ZNF605: variants seen among roughly 807,000 people sequenced by gnomAD.
The protein encoded by ZNF605 is zinc finger protein 605.
ZNF605 carries 9 observed loss-of-function variants against 7.9 expected under a neutral mutation model. The ratio of observed to expected loss-of-function variants is 1.14; its 90% confidence interval spans 0.68 to 1.98. The LOEUF (loss-of-function observed/expected upper bound fraction) is 1.98, where lower values mean the gene tolerates loss of function less well. Ranked by LOEUF, ZNF605 falls within the 30% of genes most tolerant of loss-of-function variation. ZNF605 has a pLI of 0.00. For synonymous variants in ZNF605, 255 were observed against 260.1 expected (o/e 0.98, Z 0.19); for missense variants, 673 against 762.4 (o/e 0.88, Z 1.38).
At chr12:132,932,749 T>C (rs1952320463) in intron 4 of ZNF605, 8 of 1,536,526 alleles carry the variant, frequency 5.2e-6, no homozygotes, top group African/African-American at 2.7e-5. Flanking sequence ...TGACCTATTA[T>C]CCATGGATCT....
Position 132,929,341 on chromosome 12 carries a change from G to A in ZNF605, c.137-2179C>T, listed in dbSNP as rs757171307. Among the ~76,000 whole-genome samples the A allele has an allele frequency of 5.5e-3, 842 of 152,168 alleles. 2 individuals are homozygous for A. The highest frequency in any genetic ancestry group is 0.017 in the Middle Eastern group (5 of 294). On this transcript the variant is annotated intron_variant, in intron 4 of 4. Transcript: ENST00000360187. ...AGGAGGTTGTGTGAGATGAGAGTGA[G>A]CCCACTACACGTCAGCCTGCGTGAC...
In ZNF605 at chr12:132,922,028, T is replaced by C. The variant is rs892221940; in HGVS notation, c.*3345A>G. On this transcript the variant is annotated 3_prime_UTR_variant, in exon 5 of 5. Coordinates refer to ENST00000360187, the MANE Select transcript of ZNF605 (RefSeq NM_183238.4). ...GAACTGATGGGAAAGGTGGTGTGGA[T>C]TCGTGGACGAAGTCTCTAACGTAAT... 9.2e-5 allele frequency: 14 copies of C among 152,240 alleles called. No homozygotes were observed. The highest frequency in any genetic ancestry group is 2.7e-4 in the African/African-American group (11 of 41,452). The allele number at this position is 152,240 out of a possible 1,614,324, so 9.4% of individuals were successfully genotyped here.
chr12:132,938,294 T>A (rs1952389619), intron 3 of ZNF605, among the ~76,000 whole-genome samples: 1 of 151,830 alleles, frequency 6.6e-6, no homozygotes, highest in South Asian at 2.1e-4. Context: ...CCATTTATTT[T>A]TTTATTTTTA....
intron 2 of ZNF605, among the ~76,000 whole-genome samples, chr12:132,947,301 C>T (rs1952504178): frequency 1.3e-5 from 2 of 150,870 alleles, no homozygotes; most frequent in African/African-American, 4.8e-5. Context: ...AGGTGTGAGC[C>T]ACCACGCCCG....
intron 3 of ZNF605, chr12:132,944,764 C>T (rs1273338713): frequency 2.6e-5 from 4 of 152,730 alleles, no homozygotes; most frequent in Non-Finnish European, 5.8e-5. Flanking sequence ...AGGATCTTAC[C>T]ACTATGCCAT....
chr12:132,944,487 C>T (rs1185656988), intron 3 of ZNF605, among the ~76,000 whole-genome samples: 7 of 152,292 alleles, frequency 4.6e-5, no homozygotes, highest in East Asian at 3.9e-4. Context: ...CCAACAGGAG[C>T]GGCATTTCCA....
intron 3 of ZNF605, among the ~76,000 whole-genome samples, chr12:132,938,940 GC>G (rs1455828849): frequency 2.6e-5 from 4 of 151,702 alleles, no homozygotes; most frequent in African/African-American, 9.7e-5. Context: ...AGCAGTGCTG[GC>G]CCACCGGCGC....
At chr12:132,932,592 A>G in intron 4 of ZNF605, 1 of 636,908 alleles carries the variant, frequency 1.6e-6, no homozygotes, top group Non-Finnish European at 2.6e-6. Flanking sequence ...TCTTGAGTCA[A>G]CTCTAAAGAT....
chr12:132,939,853 C>T (rs191066167), intron 3 of ZNF605, among the ~76,000 whole-genome samples: 8 of 143,904 alleles, frequency 5.6e-5, no homozygotes, highest in African/African-American at 8.6e-5. Flanking sequence ...CCTGAGCCAG[C>T]GAGACCACGA....
At chr12:132,955,121 G>A (rs1952622639) in intron 1 of ZNF605, among the ~76,000 whole-genome samples, 1 of 152,150 alleles carries the variant, frequency 6.6e-6, no homozygotes, top group African/African-American at 2.4e-5. Context: ...AGACGCGGAA[G>A]AGGGTTGGGA....
Position 132,925,591 on chromosome 12 carries a change from A to C in ZNF605, c.1708T>G (p.Phe570Val), listed in dbSNP as rs777236026. ...ATAATCAGCTGTGCCTTCTCAAAGA[A>C]AGCTTTTGCACAATCGCTGCATCCA... is the stretch of plus-strand genomic sequence containing the variant. Reference protein sequence around the residue: ...TYGCSDCAKAFFEKAQLIIHQ... With the variant: ...TYGCSDCAKAVFEKAQLIIHQ... The change falls in exon 5 of 5, where the codon TTC becomes GTC. Residue 570 changes from phenylalanine to valine, a missense_variant. By Grantham distance (50) the Phe-to-Val change is conservative. Coordinates refer to ENST00000360187, the MANE Select transcript of ZNF605 (RefSeq NM_183238.4). The C allele has an allele frequency of 1.9e-6, 3 of 1,614,010 alleles. No individual in the cohort carries two copies. The highest frequency in any genetic ancestry group is 2.5e-6 in the Non-Finnish European group (3 of 1,180,036).
At chr12:132,950,792 ACT>A (rs1190227964) in intron 1 of ZNF605, among the ~76,000 whole-genome samples, 4 of 151,862 alleles carry the variant, frequency 2.6e-5, no homozygotes, top group South Asian at 4.2e-4. Flanking sequence ...ACACAGACAC[ACT>A]GATACATCAT....
intron 3 of ZNF605, among the ~76,000 whole-genome samples, chr12:132,935,612 T>C (rs2137137222): frequency 7.3e-6 from 1 of 137,662 alleles, no homozygotes; most frequent in East Asian, 2.2e-4. Flanking sequence ...AAAAAAATCA[T>C]CCAGGTGCGG....
intron 3 of ZNF605, among the ~76,000 whole-genome samples, chr12:132,937,516 G>GACAC (rs151320663): frequency 2.7e-5 from 4 of 148,512 alleles, no homozygotes; most frequent in East Asian, 2.0e-4. Context: ...CACACACACA[G>GACAC]ACACACACAC....
In ZNF605 at chr12:132,926,498, C is replaced by T; in HGVS notation, c.801G>A (p.Gln267=). The part of the protein sequence containing the change: ...ECGKAFSRKS[Q]LKRHQITHTI... ...TGTGCGTTATCTGATGTCTTTTAAGCTGCGACTTCCTACTGAAGGCTTTTC... is the reference window on the plus strand; with the variant it reads ...TGTGCGTTATCTGATGTCTTTTAAGTTGCGACTTCCTACTGAAGGCTTTTC... The change falls in exon 5 of 5, where the codon CAG becomes CAA. Residue 267 remains glutamine, a synonymous_variant. Transcript: ENST00000360187. 3 of 1,614,128 alleles carry T rather than the reference C, an allele frequency of 1.9e-6. No homozygotes were observed. The highest frequency in any genetic ancestry group is 2.2e-5 in the South Asian group (2 of 91,078).
chr12:132,949,489 C>T lies in ZNF605; in HGVS notation c.-285-1219G>A, dbSNP rs1952534979. Among the ~76,000 whole-genome samples, 3 of 152,328 alleles carry T rather than the reference C, an allele frequency of 2.0e-5. No individual in the cohort carries two copies. In the South Asian group the frequency reaches 6.2e-4, roughly 32 times the overall value. The stretch of plus-strand genomic sequence containing the variant: ...CCCCCTGGCCCTCACTCTTTATGCA[C>T]TCTTAACCTGTCTCTTCTCATTCCT... On this transcript the variant is annotated intron_variant, in intron 1 of 4. Coordinates refer to ENST00000360187, the MANE Select transcript of ZNF605 (RefSeq NM_183238.4).
rs1952219503 is a variant in ZNF605 at position 132,923,301 on chromosome 12, A to T, written c.*2072T>A. The T allele has an allele frequency of 6.6e-6, 1 of 152,214 alleles. No individual in the cohort carries two copies. The highest frequency in any genetic ancestry group is 1.5e-5 in the Non-Finnish European group (1 of 68,036). The allele number at this position is 152,214 out of a possible 1,614,324, so 9.4% of individuals were successfully genotyped here. ...TTCAGAACTTCATTCCTTTGTACAG[A>T]CCCAAACTTAAGTTTTGTATTATTT... is the stretch of plus-strand genomic sequence containing the variant. On this transcript the variant is annotated 3_prime_UTR_variant, in exon 5 of 5. Transcript: ENST00000360187.
intron 1 of ZNF605, among the ~76,000 whole-genome samples, chr12:132,954,119 T>C (rs1000266719): frequency 6.6e-6 from 1 of 151,650 alleles, no homozygotes; most frequent in Non-Finnish European, 1.5e-5. Flanking sequence ...TTACCATTCC[T>C]ACGTCACACC....
chr12:132,949,776 C>T (rs1952537741), intron 1 of ZNF605, among the ~76,000 whole-genome samples: 1 of 152,126 alleles, frequency 6.6e-6, no homozygotes. Flanking sequence ...TGACCCAAAC[C>T]GTGGTGAATG....
Sources: gnomAD v4.1 joint callset for allele counts (sites outside exome capture counted in the v4.1 genomes callset) on GRCh38, gnomAD v4.1.1 for gene constraint, MANE v1.5 for transcripts, NCBI Gene and HGNC (gene_info 2026-07-23, HGNC 2026-07-21) for gene names.